The following BTBD9 variants were observed in gnomAD, a reference collection of about 807,000 sequenced individuals.
BTBD9 encodes BTB/POZ domain-containing protein 9.
In BTBD9, 49 loss-of-function variants were observed where a neutral mutation model predicts 64.3. That is an observed-to-expected ratio of 0.76 (90% CI 0.61 to 0.97). The LOEUF is 0.97. Among genes scored for constraint, BTBD9 ranks in the 50% least tolerant of loss-of-function variants. The pLI, the probability that BTBD9 is intolerant of heterozygous loss-of-function variation, is 0.00. For missense variants in BTBD9, 598 were observed against 762.1 expected, an observed-to-expected ratio of 0.78 and a Z score of 2.53; for synonymous variants, 260 against 274.7, an observed-to-expected ratio of 0.95 and a Z score of 0.53.
At chr6:38,404,323 A>G (rs1767072717) in intron 6 of BTBD9, among the ~76,000 whole-genome samples, 1 of 152,224 alleles carries the variant, frequency 6.6e-6, no homozygotes, top group Admixed American at 6.5e-5. Context: ...GACTTAGAGA[A>G]CAAGTACTCT....
rs558745556 is a variant in BTBD9 at position 38,438,735 on chromosome 6, G to C, written c.1155-93642C>G. ...TGCTAGAGAGCTTCATTTTAGTGGG[G>C]AAAGATAGAGACAACAGATTAAAAA... On this transcript the variant is annotated intron_variant, in intron 6 of 10. Transcript: ENST00000481247. 2.3e-5 allele frequency among the ~76,000 whole-genome samples: 3 copies of C among 132,298 alleles called. No homozygotes were observed. The East Asian group carries it at 5.8e-4, about 26-fold the overall frequency. 86.8% of individuals were successfully genotyped at this position (132,298 alleles called of 152,430 possible). A position where few individuals can be genotyped will look rare whatever the true frequency, so the allele number is the denominator to read the frequency against.
intron 6 of BTBD9, among the ~76,000 whole-genome samples, chr6:38,549,835 C>A (rs948218422): frequency 9.2e-5 from 14 of 152,184 alleles, no homozygotes; most frequent in African/African-American, 3.4e-4. Context: ...TTCTCAAGGG[C>A]ATTCAGGATC....
chr6:38,267,465 C>G (rs1474547822), intron 8 of BTBD9, among the ~76,000 whole-genome samples: 1 of 152,212 alleles, frequency 6.6e-6, no homozygotes, highest in East Asian at 1.9e-4. Flanking sequence ...AGTAGAGTCA[C>G]CTTGGCTCCA....
At chr6:38,449,760 A>T (rs1769435509) in intron 6 of BTBD9, among the ~76,000 whole-genome samples, 1 of 152,110 alleles carries the variant, frequency 6.6e-6, no homozygotes, top group Non-Finnish European at 1.5e-5. Flanking sequence ...AAAAGAAAAA[A>T]AAAAGATAAA....
intron 1 of BTBD9, among the ~76,000 whole-genome samples, chr6:38,615,750 C>G (rs1162495976): frequency 1.3e-5 from 2 of 152,146 alleles, no homozygotes; most frequent in Admixed American, 6.5e-5. Context: ...TGGGTTCTGC[C>G]CTATTCACCT....
At chr6:38,401,237 G>T (rs1766913439) in intron 6 of BTBD9, among the ~76,000 whole-genome samples, 1 of 152,094 alleles carries the variant, frequency 6.6e-6, no homozygotes, top group Non-Finnish European at 1.5e-5. Flanking sequence ...TGGTTTAAGT[G>T]TGGCACTTCC....
intron 4 of BTBD9, among the ~76,000 whole-genome samples, chr6:38,591,911 G>A (rs543578920): frequency 3.8e-4 from 58 of 152,220 alleles, no homozygotes; most frequent in African/African-American, 1.1e-3. Context: ...TCAGCCGGGC[G>A]TGGTGGCTCA....
chr6:38,627,539 G>A (rs1778213001), intron 1 of BTBD9, among the ~76,000 whole-genome samples: 2 of 152,038 alleles, frequency 1.3e-5, no homozygotes, highest in African/African-American at 4.8e-5. Context: ...GGCAGATCTT[G>A]GCCTATTTTG....
At chr6:38,615,558 C>T (rs1777754241) in intron 1 of BTBD9, among the ~76,000 whole-genome samples, 1 of 152,146 alleles carries the variant, frequency 6.6e-6, no homozygotes, top group African/African-American at 2.4e-5. Context: ...TCATTACCTT[C>T]CCTCTACCAG....
At position 38,248,094 on chromosome 6, in the gene BTBD9, G is replaced by A. The variant is rs114243833; in HGVS notation, c.1562+8315C>T. ...TATTTCCTTTTGGCTTTCTTCTTCCGTAATTCTTTCTACTTATGATAACAC... is the reference window on the plus strand; with the variant it reads ...TATTTCCTTTTGGCTTTCTTCTTCCATAATTCTTTCTACTTATGATAACAC... On this transcript the variant is annotated intron_variant, in intron 9 of 10. Transcript: ENST00000481247. Among the ~76,000 whole-genome samples the A allele has an allele frequency of 6.7e-3, 1,015 of 151,960 alleles. 3 individuals are homozygous for A. The highest frequency in any genetic ancestry group is 0.011 in the Non-Finnish European group (735 of 67,986).
At chr6:38,325,610 G>C (rs60662487) in intron 7 of BTBD9, among the ~76,000 whole-genome samples, 2,418 of 152,252 alleles carry the variant, frequency 0.016, 67 homozygotes, top group African/African-American at 0.055. Flanking sequence ...GCATGAACCC[G>C]GGAGGTGGAG....
At chr6:38,629,419 A>G (rs1390163003) in intron 1 of BTBD9, among the ~76,000 whole-genome samples, 1 of 152,272 alleles carries the variant, frequency 6.6e-6, no homozygotes, top group Non-Finnish European at 1.5e-5. Context: ...CAACATTAGC[A>G]TCTTCAAATG....
intron 8 of BTBD9, among the ~76,000 whole-genome samples, chr6:38,266,674 G>C (rs1223697059): frequency 8.1e-6 from 1 of 123,104 alleles, no homozygotes; most frequent in Admixed American, 8.1e-5. Flanking sequence ...AAGAAAGAAA[G>C]AAAGAAGAAA....
chr6:38,168,618 A>G lies in BTBD9; in HGVS notation c.*6367T>C, dbSNP rs2127463476. On this transcript the variant is annotated 3_prime_UTR_variant, in exon 11 of 11. Coordinates refer to ENST00000481247, the MANE Select transcript of BTBD9 (RefSeq NM_001099272.2). ...AATAATACACATTCCACATAGCAGC[A>G]CAGCCTTTTGGGCATCTTTGGAGTT... 1 of 152,422 alleles carries G rather than the reference A, an allele frequency of 6.6e-6. No individual in the cohort carries two copies. The highest frequency in any genetic ancestry group is 6.5e-5 in the Admixed American group (1 of 15,314). The allele number at this position is 152,422 out of a possible 1,614,324, so 9.4% of individuals were successfully genotyped here. A position where few individuals can be genotyped will look rare whatever the true frequency, so the allele number is the denominator to read the frequency against.
chr6:38,550,356 G>A (rs887434257), intron 6 of BTBD9, among the ~76,000 whole-genome samples: 3 of 142,058 alleles, frequency 2.1e-5, no homozygotes, highest in African/African-American at 5.3e-5. Context: ...TCGCTCTGTC[G>A]CCCAGGCTGG....
chr6:38,509,794 G>T lies in BTBD9; in HGVS notation c.1154+67806C>A, dbSNP rs6940195. Among the ~76,000 whole-genome samples, 443 of 152,252 alleles carry T rather than the reference G, an allele frequency of 2.9e-3. 3 individuals are homozygous for T. The highest frequency in any genetic ancestry group is 0.01 in the African/African-American group (427 of 41,534). On this transcript the variant is annotated intron_variant, in intron 6 of 10. Transcript: ENST00000481247. ...CAGCCTCAGTATATATTTGTTGAAT[G>T]AATGCTTGATAAATGATAAATAAAC... is the stretch of plus-strand genomic sequence containing the variant.
intron 7 of BTBD9, among the ~76,000 whole-genome samples, chr6:38,323,260 C>T (rs1003736251): frequency 2.0e-5 from 3 of 152,224 alleles, no homozygotes; most frequent in Non-Finnish European, 4.4e-5. Flanking sequence ...AATCCCCTCC[C>T]TCTGCTAACC....
At chr6:38,280,538 G>C (rs1433962020) in intron 8 of BTBD9, among the ~76,000 whole-genome samples, 1 of 152,176 alleles carries the variant, frequency 6.6e-6, no homozygotes, top group East Asian at 1.9e-4. Context: ...CATATATTTA[G>C]ATGTTTGCTG....
At chr6:38,178,844 C>CTATT (rs148021128) in intron 10 of BTBD9, among the ~76,000 whole-genome samples, 305 of 151,438 alleles carry the variant, frequency 2.0e-3, no homozygotes, top group Middle Eastern at 6.8e-3. Flanking sequence ...ACAAAGGAGG[C>CTATT]TATTTATTTA....
Sources: allele counts gnomAD v4.1 joint callset (sites outside exome capture counted in the v4.1 genomes callset), GRCh38; gene constraint gnomAD v4.1.1; transcripts MANE v1.5; gene names NCBI Gene and HGNC (gene_info 2026-07-23, HGNC 2026-07-21).